APAF1: variants seen among roughly 807,000 people sequenced by gnomAD.
APAF1 encodes the protein apoptotic protease-activating factor 1.
A neutral mutation model predicts 152.4 loss-of-function variants in APAF1; 91 were observed. The observed-to-expected ratio is 0.60, with a 90% CI of 0.50 to 0.71. The LOEUF (loss-of-function observed/expected upper bound fraction) is 0.71, where lower values mean the gene tolerates loss of function less well. APAF1 is among the 30% of genes least tolerant of loss of function. The pLI is 0.00. For missense variants in APAF1, 1,283 were observed against 1,472.0 expected (o/e 0.87, Z 2.10); for synonymous variants, 484 against 494.1 (o/e 0.98, Z 0.27).
At chr12:98,653,997 T>G (rs1171908990) in intron 4 of APAF1, among the ~76,000 whole-genome samples, 1 of 152,088 alleles carries the variant, frequency 6.6e-6, no homozygotes, top group Admixed American at 6.6e-5. Context: ...CCTGTGAAAG[T>G]AGTGTGGAGT....
At chr12:98,655,463 C>G (rs1206594163) in intron 4 of APAF1, among the ~76,000 whole-genome samples, 1 of 140,848 alleles carries the variant, frequency 7.1e-6, no homozygotes, top group African/African-American at 2.7e-5. Flanking sequence ...AGGGGGCTGA[C>G]CCCCCCACCT....
Position 98,732,543 on chromosome 12 carries a change from T to C in APAF1, c.3724T>C (p.Tyr1242His), listed in dbSNP as rs763208735. 6 of 1,570,808 alleles carry C rather than the reference T, an allele frequency of 3.8e-6. No individual in the cohort carries two copies. Among genetic ancestry groups the C allele is most frequent in the Non-Finnish European group, 5.3e-6 (6 of 1,140,790 alleles). ...GACTGTGGATAATCTTGGTATTTTATATATTTTACAGACTTTAGAATAAAA... is the reference window on the plus strand; with the variant it reads ...GACTGTGGATAATCTTGGTATTTTACATATTTTACAGACTTTAGAATAAAA... The part of the protein sequence containing the change: ...YVTVDNLGIL[Y>H]ILQTLE The change falls in exon 27 of 27, where the codon TAT becomes CAT. Residue 1242 changes from tyrosine (Y) to histidine (H), a missense_variant. Coordinates refer to ENST00000551964, the MANE Select transcript of APAF1 (RefSeq NM_181861.2).
At chr12:98,648,591 C>G in intron 2 of APAF1, 35 bp from the exon 3 acceptor site, 1 of 1,610,620 alleles carries the variant, frequency 6.2e-7, no homozygotes, top group South Asian at 1.1e-5. Flanking sequence ...CATACATATT[C>G]ATTGTTGTAT....
At chr12:98,661,533 A>G (rs919699090) in intron 5 of APAF1, among the ~76,000 whole-genome samples, 45 of 151,486 alleles carry the variant, frequency 3.0e-4, no homozygotes, top group Non-Finnish European at 3.1e-4. Flanking sequence ...TTGGAGTGCA[A>G]TGGTGCGATA....
intron 14 of APAF1, among the ~76,000 whole-genome samples, chr12:98,682,044 A>ATTTTTTTTTT (rs1201758624): frequency 7.1e-6 from 1 of 141,204 alleles, no homozygotes; most frequent in African/African-American, 2.7e-5. Flanking sequence ...ATGATGATTA[A>ATTTTTTTTTT]TTTTTTTGTT....
chr12:98,719,310 T>G (rs1304821119), intron 22 of APAF1, among the ~76,000 whole-genome samples: 1 of 152,178 alleles, frequency 6.6e-6, no homozygotes, highest in Non-Finnish European at 1.5e-5. Context: ...TTTTGAGCAT[T>G]TTGGGAGTTC....
chr12:98,695,790 C>G (rs2097709236), intron 16 of APAF1, among the ~76,000 whole-genome samples: 1 of 152,234 alleles, frequency 6.6e-6, no homozygotes, highest in South Asian at 2.1e-4. Context: ...TCACCTTTAT[C>G]AGAAGGTACT....
intron 12 of APAF1, among the ~76,000 whole-genome samples, chr12:98,676,464 C>T (rs1462275676): frequency 2.0e-5 from 3 of 152,138 alleles, no homozygotes; most frequent in Non-Finnish European, 4.4e-5. Context: ...CCGCCTCGTC[C>T]TCCCAAAGTC....
chr12:98,651,447 A>G (rs1265173156), intron 4 of APAF1, among the ~76,000 whole-genome samples: 2 of 152,150 alleles, frequency 1.3e-5, no homozygotes, highest in Non-Finnish European at 2.9e-5. Context: ...CCATGACACA[A>G]TGTTTTTAAG....
intron 14 of APAF1, among the ~76,000 whole-genome samples, chr12:98,681,951 A>C (rs1332333090): frequency 6.6e-6 from 1 of 152,160 alleles, no homozygotes; most frequent in East Asian, 1.9e-4. Flanking sequence ...TCAAAATCCC[A>C]GTGAAGGTTC....
At chr12:98,698,885 G>A (rs375253607) in intron 16 of APAF1, among the ~76,000 whole-genome samples, 24 of 152,288 alleles carry the variant, frequency 1.6e-4, no homozygotes, top group African/African-American at 5.3e-4. Context: ...TAGTTTTGTA[G>A]CCCTATCTGG....
At chr12:98,664,380 A>G (rs900560239) in intron 7 of APAF1, among the ~76,000 whole-genome samples, 1 of 152,206 alleles carries the variant, frequency 6.6e-6, no homozygotes, top group Non-Finnish European at 1.5e-5. Context: ...AGTTATTACA[A>G]AGGGTGATGC....
chr12:98,655,823 G>A (rs1209761687), intron 4 of APAF1, among the ~76,000 whole-genome samples: 1 of 149,758 alleles, frequency 6.7e-6, no homozygotes, highest in Non-Finnish European at 1.5e-5. Context: ...TCACTCTGTC[G>A]CCCAGGTTGG....
rs1430033394 is a variant in APAF1 at position 98,675,511 on chromosome 12, A to G, written c.1794-1914A>G. Among the ~76,000 whole-genome samples the G allele has an allele frequency of 2.0e-5, 3 of 152,236 alleles. No individual in the cohort carries two copies. The South Asian group carries it at 6.2e-4, about 31-fold the overall frequency. On this transcript the variant is annotated intron_variant, in intron 12 of 26. Coordinates refer to ENST00000551964, the MANE Select transcript of APAF1 (RefSeq NM_181861.2). Reference sequence around the variant, plus strand: ...TCAACCAACCTGGATTGAAAATATTAGAAAAGAAGTAGATGGTTATGTTTG... The same window carrying G: ...TCAACCAACCTGGATTGAAAATATTGGAAAAGAAGTAGATGGTTATGTTTG...
intron 22 of APAF1, among the ~76,000 whole-genome samples, chr12:98,719,760 T>C (rs145245931): frequency 2.6e-5 from 4 of 152,314 alleles, no homozygotes; most frequent in Non-Finnish European, 4.4e-5. Flanking sequence ...GTTATCTCCT[T>C]TCTCATTCTT....
intron 16 of APAF1, among the ~76,000 whole-genome samples, chr12:98,688,847 T>C (rs539531556): frequency 2.6e-5 from 4 of 151,498 alleles, no homozygotes; most frequent in East Asian, 1.9e-4. Context: ...CAGGGTCTTA[T>C]TCTGTTGTCT....
intron 10 of APAF1, among the ~76,000 whole-genome samples, chr12:98,670,335 G>A (rs1279125924): frequency 6.6e-6 from 1 of 152,132 alleles, no homozygotes; most frequent in Non-Finnish European, 1.5e-5. Context: ...TTACCGGTGA[G>A]ATTTTGGCCA....
chr12:98,687,154 G>A (rs1192443102), intron 16 of APAF1, among the ~76,000 whole-genome samples: 2 of 152,112 alleles, frequency 1.3e-5, no homozygotes, highest in Admixed American at 1.3e-4. Context: ...CACAAGGTCA[G>A]GAGTTCAAGA....
intron 7 of APAF1, among the ~76,000 whole-genome samples, chr12:98,664,489 G>C (rs1593037370): frequency 1.3e-5 from 2 of 151,396 alleles, no homozygotes; most frequent in Admixed American, 6.6e-5. Flanking sequence ...CAGTCTTTTA[G>C]AACAAAGATT....
Sources: gnomAD v4.1 joint callset for allele counts (sites outside exome capture counted in the v4.1 genomes callset) on GRCh38, gnomAD v4.1.1 for gene constraint, MANE v1.5 for transcripts, NCBI Gene and HGNC (gene_info 2026-07-23, HGNC 2026-07-21) for gene names.